Variants in UBASH3B observed in about 807,000 individuals in gnomAD.
UBASH3B encodes the protein ubiquitin-associated and SH3 domain-containing protein B.
UBASH3B carries 37 observed loss-of-function variants against 83.4 expected under a neutral mutation model. The ratio of observed to expected loss-of-function variants is 0.44; its 90% confidence interval spans 0.34 to 0.58. UBASH3B has a LOEUF of 0.58. Ranked by LOEUF, UBASH3B falls within the 20% of genes least tolerant of loss-of-function variation. UBASH3B has a pLI of 0.01. For missense variants in UBASH3B, 657 were observed against 827.2 expected (o/e 0.79, Z 2.52); for synonymous variants, 304 against 318.3 (o/e 0.96, Z 0.48).
At chr11:122,738,335 AG>A in intron 1 of UBASH3B, among the ~76,000 whole-genome samples, 1 of 152,372 alleles carries the variant, frequency 6.6e-6, no homozygotes, top group Non-Finnish European at 1.5e-5. Context: ...GCCAAATTAG[AG>A]TGACTTTTAG....
intron 1 of UBASH3B, among the ~76,000 whole-genome samples, chr11:122,718,695 T>C (rs1860568034): frequency 6.6e-6 from 1 of 152,144 alleles, no homozygotes; most frequent in African/African-American, 2.4e-5. Flanking sequence ...AAAAAAGGGA[T>C]ATTAGAGGGT....
intron 1 of UBASH3B, 79 bp downstream of exon 1, chr11:122,656,289 C>T: frequency 1.6e-6 from 2 of 1,268,244 alleles, no homozygotes; most frequent in African/African-American, 1.6e-5. Context: ...GGCTCGCCTC[C>T]CAGCGCCTGC....
At chr11:122,714,939 T>G (rs1433974837) in intron 1 of UBASH3B, among the ~76,000 whole-genome samples, 1 of 152,180 alleles carries the variant, frequency 6.6e-6, no homozygotes, top group Admixed American at 6.5e-5. Context: ...AAATAAATTT[T>G]TTGTTGTTGT....
chr11:122,807,134 C>T (rs2135192291), intron 12 of UBASH3B, among the ~76,000 whole-genome samples: 1 of 152,306 alleles, frequency 6.6e-6, no homozygotes, highest in South Asian at 2.1e-4. Context: ...TTCCCACCTT[C>T]CAGTTTTCAT....
At chr11:122,763,906 T>C (rs1860488399) in intron 1 of UBASH3B, among the ~76,000 whole-genome samples, 1 of 152,218 alleles carries the variant, frequency 6.6e-6, no homozygotes, top group South Asian at 2.1e-4. Flanking sequence ...ACTTCGGAGA[T>C]GAGATTGTTC....
intron 1 of UBASH3B, among the ~76,000 whole-genome samples, chr11:122,729,714 C>G (rs61910262): frequency 0.34 from 47,681 of 142,142 alleles, 8,800 homozygotes; most frequent in Middle Eastern, 0.5. Context: ...AATCCTAACA[C>G]GTTGGGAGGC....
In UBASH3B at chr11:122,757,124, AC is replaced by A. The variant is rs978531643; in HGVS notation, c.162-19094del. On this transcript the variant is annotated intron_variant, in intron 1 of 13. Transcript: ENST00000284273. ...TCTTTGCCTACACGCACATGCACTT[AC>A]TGTCACACCAAGGGATGTCCCGATG... Among the ~76,000 whole-genome samples, 38 of 152,376 alleles carry A rather than the reference AC, an allele frequency of 2.5e-4. 1 individual carries two copies. Among genetic ancestry groups the A allele is most frequent in the Admixed American group, 2.5e-3 (38 of 15,306 alleles).
chr11:122,686,830 T>C (rs1863814050), intron 1 of UBASH3B, among the ~76,000 whole-genome samples: 1 of 152,156 alleles, frequency 6.6e-6, no homozygotes, highest in African/African-American at 2.4e-5. Context: ...AACCCATCTC[T>C]CTAAGCCCTG....
intron 1 of UBASH3B, among the ~76,000 whole-genome samples, chr11:122,770,164 A>C (rs1422330224): frequency 6.6e-6 from 1 of 152,276 alleles, no homozygotes; most frequent in Non-Finnish European, 1.5e-5. Context: ...ACCGCCACGC[A>C]TGTGAGTCCA....
At chr11:122,673,419 C>T (rs1051200620) in intron 1 of UBASH3B, among the ~76,000 whole-genome samples, 3 of 152,114 alleles carry the variant, frequency 2.0e-5, no homozygotes, top group Admixed American at 6.6e-5. Context: ...GAGGCTGAGG[C>T]GGGCAGATCA....
chr11:122,720,352 C>T (rs1860602848), intron 1 of UBASH3B, among the ~76,000 whole-genome samples: 1 of 152,234 alleles, frequency 6.6e-6, no homozygotes, highest in Non-Finnish European at 1.5e-5. Context: ...TTCCACAGAT[C>T]CAAATCCCTG....
chr11:122,741,042 T>C (rs1861015726), intron 1 of UBASH3B, among the ~76,000 whole-genome samples: 1 of 152,216 alleles, frequency 6.6e-6, no homozygotes, highest in Non-Finnish European at 1.5e-5. Flanking sequence ...AATTCTGTCC[T>C]CAAGGTAAGC....
chr11:122,772,102 A>G (rs939228781), intron 1 of UBASH3B, among the ~76,000 whole-genome samples: 3 of 152,186 alleles, frequency 2.0e-5, no homozygotes, highest in African/African-American at 7.2e-5. Flanking sequence ...CTCTTATAAC[A>G]TTTAAAATAT....
At chr11:122,699,861 G>A (rs1389486844) in intron 1 of UBASH3B, among the ~76,000 whole-genome samples, 1 of 152,144 alleles carries the variant, frequency 6.6e-6, no homozygotes, top group Non-Finnish European at 1.5e-5. Flanking sequence ...TGGGATTACA[G>A]GCATGAGTCA....
At chr11:122,720,068 T>C (rs1860596074) in intron 1 of UBASH3B, among the ~76,000 whole-genome samples, 1 of 152,130 alleles carries the variant, frequency 6.6e-6, no homozygotes, top group Admixed American at 6.5e-5. Context: ...ACCCCCATAG[T>C]AGTCTCCAAA....
intron 1 of UBASH3B, among the ~76,000 whole-genome samples, chr11:122,710,180 G>A (rs905000029): frequency 6.8e-6 from 1 of 147,978 alleles, no homozygotes; most frequent in Non-Finnish European, 1.5e-5. Flanking sequence ...AAAGCATTCT[G>A]AATCATGGAT....
intron 4 of UBASH3B, among the ~76,000 whole-genome samples, chr11:122,780,718 C>T (rs113430387): frequency 3.9e-5 from 6 of 152,162 alleles, no homozygotes; most frequent in Non-Finnish European, 1.5e-5. Flanking sequence ...GGCCTGCAGG[C>T]GGGCGGGTGG....
chr11:122,761,359 TACACAGGAGGCTG>T (rs1469287763), intron 1 of UBASH3B, among the ~76,000 whole-genome samples: 1 of 152,172 alleles, frequency 6.6e-6, no homozygotes, highest in East Asian at 1.9e-4. Context: ...TAGTCCTAGC[TACACAGGAGGCTG>T]ACACAGGAGG....
chr11:122,710,785 C>A (rs970505670), intron 1 of UBASH3B, among the ~76,000 whole-genome samples: 2 of 151,780 alleles, frequency 1.3e-5, no homozygotes, highest in African/African-American at 4.8e-5. Flanking sequence ...TGCCGCATAC[C>A]ACTTCCCTAG....
Sources: allele counts gnomAD v4.1 joint callset (sites outside exome capture counted in the v4.1 genomes callset), GRCh38; gene constraint gnomAD v4.1.1; transcripts MANE v1.5; gene names NCBI Gene and HGNC (gene_info 2026-07-23, HGNC 2026-07-21).